The following ARHGAP25 variants were observed in gnomAD, a reference collection of about 807,000 sequenced individuals.
The protein encoded by ARHGAP25 is Rho GTPase activating protein 25, also known as rho GTPase-activating protein 25.
A neutral mutation model predicts 71.0 loss-of-function variants in ARHGAP25; 34 were observed. The ratio of observed to expected loss-of-function variants is 0.48; its 90% CI spans 0.36 to 0.64. ARHGAP25 has a LOEUF of 0.64. Among genes scored for constraint, ARHGAP25 ranks in the 30% least tolerant of loss-of-function variants. ARHGAP25 has a pLI of 0.00. For synonymous variants in ARHGAP25, 282 were observed against 296.5 expected (o/e 0.95, Z 0.50); for missense variants, 706 against 805.1 (o/e 0.88, Z 1.49).
At chr2:68,823,450 G>A (rs752575867) in intron 10 of ARHGAP25, among the ~76,000 whole-genome samples, 1 of 152,206 alleles carries the variant, frequency 6.6e-6, no homozygotes, top group African/African-American at 2.4e-5. Context: ...GTCAGGGAAG[G>A]CCTCCGTGAG....
chr2:68,748,350 T>C (rs1245337877), intron 1 of ARHGAP25, among the ~76,000 whole-genome samples: 2 of 152,378 alleles, frequency 1.3e-5, no homozygotes, highest in African/African-American at 4.8e-5. Flanking sequence ...TAATTAGCTG[T>C]AATTAGCCCC....
chr2:68,813,702 A>G (rs1573616680), intron 6 of ARHGAP25, among the ~76,000 whole-genome samples: 1 of 152,238 alleles, frequency 6.6e-6, no homozygotes, highest in African/African-American at 2.4e-5. Flanking sequence ...GACGGTTTCA[A>G]GCATGATGGC....
At chr2:68,789,160 G>C (rs539327448) in intron 4 of ARHGAP25, among the ~76,000 whole-genome samples, 7 of 152,060 alleles carry the variant, frequency 4.6e-5, no homozygotes, top group Admixed American at 1.3e-4. Flanking sequence ...AGCCTCCTGA[G>C]TAGCTGGGAC....
Position 68,801,469 on chromosome 2 carries a change from G to C in ARHGAP25, c.467-5804G>C, listed in dbSNP as rs79452871. ...CCCAAGAAGAAGGAGGTGGCTTGCT[G>C]TATCACTTGCTGCTGATAGAGTAGT... On this transcript the variant is annotated intron_variant, in intron 4 of 10. Transcript: ENST00000409202. 2.6e-3 allele frequency among the ~76,000 whole-genome samples: 393 copies of C among 152,346 alleles called. 1 individual carries two copies. The highest frequency in any genetic ancestry group is 9.1e-3 in the African/African-American group (377 of 41,576).
Position 68,775,364 on chromosome 2 carries a change from G to T in ARHGAP25, c.205G>T (p.Val69Leu). The T allele has an allele frequency of 6.2e-7, 1 of 1,614,232 alleles. No individual in the cohort carries two copies. Among genetic ancestry groups the T allele is most frequent in the Non-Finnish European group, 8.5e-7 (1 of 1,180,038 alleles). The part of the protein sequence containing the change: ...IVKNWQQRYF[V>L]LRAQQLYYYK... ...GAAGAACTGGCAGCAGAGGTACTTT[G>T]TGCTGAGGGCGCAGCAGCTCTACTA... The change falls in exon 2 of 11, where the codon GTG (valine) becomes TTG (leucine). Residue 69 changes from valine (V) to leucine (L), a missense_variant. Transcript: ENST00000409202.
chr2:68,723,864 A>ATCTC (rs141110404), intron 2 of ARHGAP25, among the ~76,000 whole-genome samples: 1 of 148,432 alleles, frequency 6.7e-6, no homozygotes, highest in Non-Finnish European at 1.5e-5. Context: ...GTGGGAGTAA[A>ATCTC]TCTCTCTCTC....
At chr2:68,792,889 C>A (rs1414738083) in intron 4 of ARHGAP25, among the ~76,000 whole-genome samples, 4 of 152,206 alleles carry the variant, frequency 2.6e-5, no homozygotes, top group Non-Finnish European at 5.9e-5. Context: ...TGCATTCCCA[C>A]CAACAGTGTA....
chr2:68,805,809 T>C (rs1680320461), intron 4 of ARHGAP25, among the ~76,000 whole-genome samples: 1 of 150,880 alleles, frequency 6.6e-6, no homozygotes, highest in Non-Finnish European at 1.5e-5. Flanking sequence ...ATGGGGAGAG[T>C]CAAGTGACTT....
chr2:68,772,222 A>C (rs1480189922), intron 1 of ARHGAP25, among the ~76,000 whole-genome samples: 1 of 152,060 alleles, frequency 6.6e-6, no homozygotes, highest in African/African-American at 2.4e-5. Flanking sequence ...GCTGTTGGAG[A>C]CCTTCAGTTT....
At chr2:68,743,627 A>G (rs1675645473) in intron 1 of ARHGAP25, among the ~76,000 whole-genome samples, 1 of 152,198 alleles carries the variant, frequency 6.6e-6, no homozygotes. Flanking sequence ...CAGACATCTC[A>G]GAGTAAAAAT....
chr2:68,738,823 GAAA>G (rs35421866), intron 1 of ARHGAP25, among the ~76,000 whole-genome samples: 1 of 98,392 alleles, frequency 1.0e-5, no homozygotes, highest in Non-Finnish European at 2.1e-5. Context: ...TCTGTCTCAA[GAAA>G]AAAAAAAAAA....
chr2:68,780,456 TC>T (rs1678243694), intron 2 of ARHGAP25, among the ~76,000 whole-genome samples: 2 of 152,234 alleles, frequency 1.3e-5, no homozygotes. Flanking sequence ...GGTCATTTTT[TC>T]TGAAGGCATG....
chr2:68,720,617 G>A (rs1019261274), intron 2 of ARHGAP25, among the ~76,000 whole-genome samples: 4 of 152,116 alleles, frequency 2.6e-5, no homozygotes, highest in Non-Finnish European at 5.9e-5. Flanking sequence ...CTTTCTCTAC[G>A]CTAGATGTTT....
intron 5 of ARHGAP25, among the ~76,000 whole-genome samples, chr2:68,812,367 C>T (rs998069024): frequency 2.0e-5 from 3 of 152,242 alleles, no homozygotes; most frequent in Non-Finnish European, 4.4e-5. Context: ...TGGCCCGTGG[C>T]TTGCCAAGCC....
intron 4 of ARHGAP25, among the ~76,000 whole-genome samples, chr2:68,802,726 AG>A (rs1680084961): frequency 1.3e-5 from 2 of 149,038 alleles, no homozygotes; most frequent in South Asian, 2.1e-4. Flanking sequence ...AGAGAGAGAG[AG>A]AGAGAAAAGA....
intron 1 of ARHGAP25, among the ~76,000 whole-genome samples, chr2:68,765,378 A>G (rs1353949103): frequency 6.6e-6 from 1 of 151,920 alleles, no homozygotes. Context: ...AAAAAACCCA[A>G]CAAGCCTATT....
Position 68,801,524 on chromosome 2 carries a change from A to T in ARHGAP25, c.467-5749A>T, listed in dbSNP as rs988997873. 4.6e-5 allele frequency among the ~76,000 whole-genome samples: 7 copies of T among 152,174 alleles called. No homozygotes were observed. In the South Asian group the frequency reaches 1.0e-3, roughly 23 times the overall value. Reference sequence around the variant, plus strand: ...ATGAAGACAGAGAATTTCATCTCAGATTTTAAAATGTAAAGGCCATTGGTC... The same window carrying T: ...ATGAAGACAGAGAATTTCATCTCAGTTTTTAAAATGTAAAGGCCATTGGTC... On this transcript the variant is annotated intron_variant, in intron 4 of 10. Coordinates refer to ENST00000409202, the MANE Select transcript of ARHGAP25 (RefSeq NM_001007231.3).
chr2:68,753,098 C>T (rs1179320304), intron 1 of ARHGAP25, among the ~76,000 whole-genome samples: 2 of 152,026 alleles, frequency 1.3e-5, no homozygotes, highest in African/African-American at 4.8e-5. Context: ...GATAAAACCA[C>T]CCCCCAGTTG....
At chr2:68,744,941 T>C (rs4854448) in intron 1 of ARHGAP25, among the ~76,000 whole-genome samples, 121,939 of 152,188 alleles carry the variant, frequency 0.8, 49,248 homozygotes, top group Non-Finnish European at 0.85. Flanking sequence ...TGTAGTCAAC[T>C]TTGTGTCTTC....
Sources: allele counts gnomAD v4.1 joint callset (sites outside exome capture counted in the v4.1 genomes callset), GRCh38; gene constraint gnomAD v4.1.1; transcripts MANE v1.5; gene names NCBI Gene and HGNC (gene_info 2026-07-23, HGNC 2026-07-21).